Variants in NKAIN2 observed in about 807,000 individuals in gnomAD.
NKAIN2 encodes the protein sodium/potassium transporting ATPase interacting 2.
In NKAIN2, 14 loss-of-function variants were observed where a neutral mutation model predicts 32.6. The observed-to-expected ratio is 0.43, with a 90% CI of 0.28 to 0.67. The LOEUF is 0.67. Among genes scored for constraint, NKAIN2 ranks in the 30% least tolerant of loss-of-function variants. The probability of loss-of-function intolerance (pLI) is 0.17; values close to 1 mark genes in which losing one functional copy is unlikely to be tolerated. For missense variants in NKAIN2, 198 were observed against 258.3 expected (o/e 0.77, Z 1.60); for synonymous variants, 80 against 87.2 (o/e 0.92, Z 0.46).
chr6:124,655,528 A>G (rs1784510327), intron 3 of NKAIN2, among the ~76,000 whole-genome samples: 1 of 152,144 alleles, frequency 6.6e-6, no homozygotes, highest in African/African-American at 2.4e-5. Context: ...TTGTCTCTGC[A>G]GCTATGGTGA....
At chr6:124,227,704 C>T (rs1792195902) in intron 1 of NKAIN2, among the ~76,000 whole-genome samples, 1 of 152,094 alleles carries the variant, frequency 6.6e-6, no homozygotes, top group African/African-American at 2.4e-5. Context: ...ATGAACCTTT[C>T]CTAATCCATT....
At chr6:124,187,363 G>T (rs888603624) in intron 1 of NKAIN2, among the ~76,000 whole-genome samples, 17 of 152,124 alleles carry the variant, frequency 1.1e-4, no homozygotes, top group Non-Finnish European at 7.4e-5. Context: ...TGTCATGCTA[G>T]TTTAAATTTT....
chr6:124,441,537 C>T (rs545491769), intron 3 of NKAIN2, among the ~76,000 whole-genome samples: 29 of 152,132 alleles, frequency 1.9e-4, no homozygotes, highest in African/African-American at 6.7e-4. Flanking sequence ...TAGAGTCCAC[C>T]ACTATGCTCT....
chr6:124,565,218 A>C (rs997092077), intron 3 of NKAIN2, among the ~76,000 whole-genome samples: 1 of 152,194 alleles, frequency 6.6e-6, no homozygotes, highest in African/African-American at 2.4e-5. Context: ...GCTCAGGCAG[A>C]ATGAGCACAA....
At chr6:124,452,341 C>G (rs2114624677) in intron 3 of NKAIN2, among the ~76,000 whole-genome samples, 1 of 152,068 alleles carries the variant, frequency 6.6e-6, no homozygotes, top group Non-Finnish European at 1.5e-5. Flanking sequence ...TGTAATGAGC[C>G]CACCCCATGG....
intron 3 of NKAIN2, among the ~76,000 whole-genome samples, chr6:124,469,308 G>C (rs918751639): frequency 6.6e-6 from 1 of 152,070 alleles, no homozygotes; most frequent in African/African-American, 2.4e-5. Flanking sequence ...TAGAGCAAAC[G>C]ATAAAATAAG....
At chr6:124,213,455 C>A (rs1791291426) in intron 1 of NKAIN2, among the ~76,000 whole-genome samples, 2 of 151,856 alleles carry the variant, frequency 1.3e-5, no homozygotes, top group African/African-American at 2.4e-5. Flanking sequence ...TAAATAAGAA[C>A]CCTAATATTA....
chr6:124,706,682 C>G (rs1775087058), intron 4 of NKAIN2, among the ~76,000 whole-genome samples: 1 of 152,100 alleles, frequency 6.6e-6, no homozygotes. Context: ...CAAAGAGCAG[C>G]AAGTCACTTA....
intron 3 of NKAIN2, among the ~76,000 whole-genome samples, chr6:124,447,123 C>T (rs566179972): frequency 2.5e-4 from 38 of 152,100 alleles, no homozygotes; most frequent in Non-Finnish European, 3.8e-4. Context: ...CTCTACAATG[C>T]CCTTCCTCTT....
chr6:124,285,219 GTAAATGA>G (rs1157741871), intron 2 of NKAIN2, among the ~76,000 whole-genome samples: 2 of 152,170 alleles, frequency 1.3e-5, no homozygotes, highest in Non-Finnish European at 2.9e-5. Flanking sequence ...TGGAGATGAT[GTAAATGA>G]TAAACTTTTT....
At chr6:124,293,824 A>G (rs1795928476) in intron 2 of NKAIN2, among the ~76,000 whole-genome samples, 1 of 152,128 alleles carries the variant, frequency 6.6e-6, no homozygotes, top group Admixed American at 6.6e-5. Context: ...GACAGATAAT[A>G]TCAAAACACC....
chr6:124,014,893 G>A (rs1033659637), intron 1 of NKAIN2, among the ~76,000 whole-genome samples: 5 of 151,946 alleles, frequency 3.3e-5, no homozygotes, highest in African/African-American at 7.2e-5. Context: ...CTTGTTTAAC[G>A]TATCTCCCTC....
intron 4 of NKAIN2, among the ~76,000 whole-genome samples, chr6:124,701,266 G>A (rs777287634): frequency 5.9e-5 from 9 of 151,550 alleles, no homozygotes; most frequent in Non-Finnish European, 1.3e-4. Context: ...GATTATTTCT[G>A]TTGTAATACT....
chr6:124,234,001 A>G (rs1792603583), intron 1 of NKAIN2, among the ~76,000 whole-genome samples: 2 of 152,142 alleles, frequency 1.3e-5, no homozygotes, highest in African/African-American at 4.8e-5. Context: ...TAGGCTTTGT[A>G]GATCATTCCC....
intron 1 of NKAIN2, among the ~76,000 whole-genome samples, chr6:124,211,542 A>C (rs531587979): frequency 4.5e-4 from 68 of 152,042 alleles, no homozygotes; most frequent in Middle Eastern, 3.4e-3. Flanking sequence ...TTAAATGTAA[A>C]TGTTTGGTGG....
rs574124992 is a variant in NKAIN2 at position 124,292,110 on chromosome 6, TCTC to T, written c.192+8971_192+8973del. 1.2e-4 allele frequency among the ~76,000 whole-genome samples: 18 copies of T among 152,228 alleles called. No individual in the cohort carries two copies. The East Asian group carries it at 3.5e-3, about 29-fold the overall frequency. The stretch of plus-strand genomic sequence containing the variant: ...TAGTTTTTAATTTATTTATGAAAAA[TCTC>T]CTTGTTTTCCCCAGAGAAATAAACT... On this transcript the variant is annotated intron_variant, in intron 2 of 6. Coordinates refer to ENST00000368417, the MANE Select transcript of NKAIN2 (RefSeq NM_001040214.3).
intron 2 of NKAIN2, among the ~76,000 whole-genome samples, chr6:124,330,270 A>G (rs1410400269): frequency 6.6e-6 from 1 of 152,144 alleles, no homozygotes; most frequent in Non-Finnish European, 1.5e-5. Flanking sequence ...TCTGATTTTA[A>G]TGGTTGTTTG....
chr6:124,408,411 A>C, intron 3 of NKAIN2, among the ~76,000 whole-genome samples: 1 of 152,230 alleles, frequency 6.6e-6, no homozygotes, highest in East Asian at 1.9e-4. Flanking sequence ...AGCTTTCTAC[A>C]CATGACTAGC....
At chr6:124,422,699 G>A (rs1266806310) in intron 3 of NKAIN2, among the ~76,000 whole-genome samples, 1 of 152,186 alleles carries the variant, frequency 6.6e-6, no homozygotes, top group Non-Finnish European at 1.5e-5. Flanking sequence ...CAGCTTACTT[G>A]CAATCTGGAT....
Sources: gnomAD v4.1 joint callset for allele counts (sites outside exome capture counted in the v4.1 genomes callset) on GRCh38, gnomAD v4.1.1 for gene constraint, MANE v1.5 for transcripts, NCBI Gene and HGNC (gene_info 2026-07-23, HGNC 2026-07-21) for gene names.